The following SDK1 variants were observed in gnomAD, a reference collection of about 807,000 sequenced individuals.
SDK1 encodes sidekick cell adhesion molecule 1.
Under a neutral mutation model 245.5 loss-of-function variants are expected in SDK1, and 157 were observed. The ratio of observed to expected loss-of-function variants is 0.64; its 90% confidence interval spans 0.56 to 0.73. The LOEUF (loss-of-function observed/expected upper bound fraction) is 0.73, where lower values mean the gene tolerates loss of function less well. Ranked by LOEUF, SDK1 falls within the 30% of genes least tolerant of loss-of-function variation. The pLI, the probability that SDK1 is intolerant of heterozygous loss-of-function variation, is 0.00. For missense variants in SDK1, 3,583 were observed against 3,002.3 expected, an observed-to-expected ratio of 1.19 and a Z score of -4.52; for synonymous variants, 1,647 against 1,278.5, an observed-to-expected ratio of 1.29 and a Z score of -6.15.
chr7:3,726,572 T>C (rs1779014259), intron 4 of SDK1, among the ~76,000 whole-genome samples: 2 of 152,256 alleles, frequency 1.3e-5, no homozygotes, highest in African/African-American at 2.4e-5. Flanking sequence ...AGGCAATTGT[T>C]ACTGATTTTA....
chr7:3,825,614 C>T, intron 5 of SDK1, among the ~76,000 whole-genome samples: 1 of 152,172 alleles, frequency 6.6e-6, no homozygotes. Context: ...CTGACAAACC[C>T]TTGCTTTTAA....
At chr7:4,250,382 C>G (rs1308884644) in intron 44 of SDK1, among the ~76,000 whole-genome samples, 1 of 151,590 alleles carries the variant, frequency 6.6e-6, no homozygotes. Context: ...TTTGCTCTGT[C>G]GCTCAGGCTG....
intron 44 of SDK1, among the ~76,000 whole-genome samples, chr7:4,261,270 C>G (rs1036362720): frequency 2.6e-5 from 4 of 152,104 alleles, no homozygotes; most frequent in Non-Finnish European, 4.4e-5. Context: ...CACTCTGACT[C>G]TCAGATGAGG....
intron 1 of SDK1, among the ~76,000 whole-genome samples, chr7:3,317,774 A>G (rs987475796): frequency 9.9e-5 from 15 of 152,224 alleles, no homozygotes; most frequent in Non-Finnish European, 2.1e-4. Context: ...AGGATGCTTG[A>G]TTAAAATAAG....
rs549906664 is a variant in SDK1 at position 3,303,424 on chromosome 7, A to G, written c.298+1540A>G. 1.4e-4 allele frequency among the ~76,000 whole-genome samples: 22 copies of G among 152,312 alleles called. No homozygotes were observed. The South Asian group carries it at 4.4e-3, about 30-fold the overall frequency. On this transcript the variant is annotated intron_variant, in intron 1 of 44. Transcript: ENST00000404826. ...CACAGACTGAAATGGTGGGGAAAAA[A>G]TCTGCCAGTGGCTTTGTTTTGAAGT...
chr7:3,620,167 T>C (rs1946349900), intron 2 of SDK1, among the ~76,000 whole-genome samples: 4 of 152,168 alleles, frequency 2.6e-5, no homozygotes, highest in Admixed American at 2.6e-4. Context: ...CCACTCACTC[T>C]CTTTACCTCT....
chr7:4,185,662 T>C (rs936283175), intron 35 of SDK1, among the ~76,000 whole-genome samples: 1 of 152,128 alleles, frequency 6.6e-6, no homozygotes, highest in African/African-American at 2.4e-5. Flanking sequence ...CTTCCTCTGC[T>C]CCAGAACATG....
chr7:3,737,366 G>C (rs963918925), intron 4 of SDK1, among the ~76,000 whole-genome samples: 4 of 152,232 alleles, frequency 2.6e-5, no homozygotes, highest in African/African-American at 4.8e-5. Context: ...TGCCCTGGGT[G>C]GTGCAGGGGG....
At position 3,907,108 on chromosome 7, in the gene SDK1, ATT is replaced by A. The variant is rs1778977094; in HGVS notation, c.848-43814_848-43813del. 2.2e-5 allele frequency among the ~76,000 whole-genome samples: 3 copies of A among 139,382 alleles called. No homozygotes were observed. The South Asian group carries it at 6.7e-4, about 31-fold the overall frequency. 91.4% of individuals were successfully genotyped at this position (139,382 alleles called of 152,430 possible). A position where few individuals can be genotyped will look rare whatever the true frequency, so the allele number is the denominator to read the frequency against. ...GCTAAAATCAGATATATTTAAATAT[ATT>A]CTCTCTTTTTTTATTATGAAGATTT... On this transcript the variant is annotated intron_variant, in intron 5 of 44. Transcript: ENST00000404826.
chr7:3,957,431 T>C (rs1003159725), intron 7 of SDK1, among the ~76,000 whole-genome samples: 4 of 152,244 alleles, frequency 2.6e-5, no homozygotes, highest in African/African-American at 4.8e-5. Context: ...GCTCTTTCAG[T>C]GTTACAGTGT....
At chr7:3,660,198 G>T (rs933346990) in intron 4 of SDK1, among the ~76,000 whole-genome samples, 2 of 152,022 alleles carry the variant, frequency 1.3e-5, no homozygotes, top group African/African-American at 4.8e-5. Flanking sequence ...AACTGCTGAG[G>T]AGCTCTACCA....
Position 3,519,874 on chromosome 7 carries a change from A to G in SDK1, c.299-99206A>G, listed in dbSNP as rs146930389. 2.5e-3 allele frequency among the ~76,000 whole-genome samples: 379 copies of G among 152,298 alleles called. 4 individuals are homozygous for G. Among genetic ancestry groups the G allele is most frequent in the African/African-American group, 8.9e-3 (370 of 41,576 alleles). On this transcript the variant is annotated intron_variant, in intron 1 of 44. Coordinates refer to ENST00000404826, the MANE Select transcript of SDK1 (RefSeq NM_152744.4). ...TTTAGTAAAAAGGATGTTAGTATAC[A>G]TATATTGAATGCAAATATTGTGTGT... is the stretch of plus-strand genomic sequence containing the variant.
chr7:3,492,219 A>G (rs1781883144), intron 1 of SDK1, among the ~76,000 whole-genome samples: 1 of 152,254 alleles, frequency 6.6e-6, no homozygotes, highest in Middle Eastern at 3.2e-3. Context: ...CTTCTCTGCT[A>G]AAATTGTTAT....
intron 5 of SDK1, among the ~76,000 whole-genome samples, chr7:3,840,488 C>T (rs1265982900): frequency 6.6e-6 from 1 of 152,144 alleles, no homozygotes; most frequent in Admixed American, 6.5e-5. Context: ...CAGAGTGGTC[C>T]TTGGGCTAGT....
intron 1 of SDK1, among the ~76,000 whole-genome samples, chr7:3,568,584 T>A (rs1780001513): frequency 6.6e-6 from 1 of 152,184 alleles, no homozygotes; most frequent in African/African-American, 2.4e-5. Flanking sequence ...TTAAAATGTC[T>A]CCAAGGTTAT....
intron 5 of SDK1, among the ~76,000 whole-genome samples, chr7:3,845,364 C>T (rs984123536): frequency 1.3e-5 from 2 of 151,876 alleles, no homozygotes; most frequent in Non-Finnish European, 2.9e-5. Context: ...GTGGTGCATG[C>T]CTGTAATCCC....
intron 1 of SDK1, among the ~76,000 whole-genome samples, chr7:3,328,430 G>C (rs969650068): frequency 2.6e-5 from 4 of 152,004 alleles, no homozygotes; most frequent in African/African-American, 9.7e-5. Flanking sequence ...TTCTAGTTCA[G>C]ATGATCTGGG....
At chr7:3,962,200 T>C (rs1187700403) in intron 8 of SDK1, among the ~76,000 whole-genome samples, 8 of 152,224 alleles carry the variant, frequency 5.3e-5, no homozygotes, top group African/African-American at 1.9e-4. Context: ...GGTAATGTAT[T>C]CTGCCCAAGG....
intron 1 of SDK1, among the ~76,000 whole-genome samples, chr7:3,612,621 T>A (rs1781629635): frequency 6.6e-6 from 1 of 152,204 alleles, no homozygotes; most frequent in Non-Finnish European, 1.5e-5. Flanking sequence ...TTTTCGCTCA[T>A]GGTAAATTCA....
Sources: allele counts gnomAD v4.1 joint callset (sites outside exome capture counted in the v4.1 genomes callset), GRCh38; gene constraint gnomAD v4.1.1; transcripts MANE v1.5; gene names NCBI Gene and HGNC (gene_info 2026-07-23, HGNC 2026-07-21).